Variants in IL11RA observed in about 807,000 individuals in gnomAD.
The protein encoded by IL11RA is interleukin 11 receptor subunit alpha.
Under a neutral mutation model 57.0 loss-of-function variants are expected in IL11RA, and 51 were observed. The observed-to-expected ratio is 0.89, with a 90% confidence interval of 0.71 to 1.13. The LOEUF (loss-of-function observed/expected upper bound fraction) is 1.13, where lower values mean the gene tolerates loss of function less well. Among genes scored for constraint, IL11RA ranks in the 50% most tolerant of loss-of-function variants. The pLI, the probability that IL11RA is intolerant of heterozygous loss-of-function variation, is 0.00. For synonymous variants in IL11RA, 199 were observed against 217.5 expected (o/e 0.91, Z 0.75); for missense variants, 498 against 539.4 (o/e 0.92, Z 0.76).
In IL11RA at chr9:34,658,500, T is replaced by C; in HGVS notation, c.647-20T>C. The C allele has an allele frequency of 3.7e-6, 6 of 1,613,942 alleles. No individual in the cohort carries two copies. Among genetic ancestry groups the C allele is most frequent in the Non-Finnish European group, 5.1e-6 (6 of 1,179,854 alleles). On this transcript the variant is annotated intron_variant, in intron 7 of 12. Coordinates refer to ENST00000441545, the MANE Select transcript of IL11RA (RefSeq NM_001142784.3). This position sits in a 1 kb window ranked among gnomAD's most constrained non-coding sequence, Gnocchi z 4.0. ...TGGAGACCCATAGCCTACCCTGACT[T>C]TGTGTCTTGATGCCCTTAGTGCGCC...
At chr9:34,654,174 C>T (rs1454271907) in intron 1 of IL11RA, among the ~76,000 whole-genome samples, 2 of 152,052 alleles carry the variant, frequency 1.3e-5, no homozygotes, top group Non-Finnish European at 2.9e-5. Context: ...CCCGCCTGCC[C>T]CTTCGTTCTC....
In IL11RA at chr9:34,653,259, T is replaced by G. The variant is rs1259077365; in HGVS notation, c.-1+1026T>G. On this transcript the variant is annotated intron_variant, in intron 1 of 12. Coordinates refer to ENST00000441545, the MANE Select transcript of IL11RA (RefSeq NM_001142784.3). This position sits in a 1 kb window ranked among gnomAD's most constrained non-coding sequence, Gnocchi z 4.5. ...GAATATGTGTAAGTGTGTCTGAGTC[T>G]GAGGCGGTGTGGCTGTGCCCGTGTG... Among the ~76,000 whole-genome samples, 1 of 152,196 alleles carries G rather than the reference T, an allele frequency of 6.6e-6. No individual in the cohort carries two copies. The highest frequency in any genetic ancestry group is 6.5e-5 in the Admixed American group (1 of 15,274).
At position 34,656,799 on chromosome 9, in the gene IL11RA, G is replaced by C. The variant is rs376247869; in HGVS notation, c.222G>C (p.Gly74=). Residue 74 remains glycine, a synonymous_variant, in exon 4 of 13, where the codon GGG becomes GGC. Transcript: ENST00000441545. The stretch of plus-strand genomic sequence containing the variant: ...AGCTGCTCCAGGGACCTGACTCTGG[G>C]CTAGGGCATGAACTGGTCCTGGCCC... The part of the protein sequence containing the change: ...EPKLLQGPDS[G]LGHELVLAQA... 6.2e-7 allele frequency: 1 copy of C among 1,614,022 alleles called. No homozygotes were observed. The highest frequency in any genetic ancestry group is 1.3e-5 in the African/African-American group (1 of 74,916).
chr9:34,658,741 T>C lies in IL11RA; in HGVS notation c.810+58T>C, dbSNP rs1243771606. On this transcript the variant is annotated intron_variant, in intron 8 of 12. Coordinates refer to ENST00000441545, the MANE Select transcript of IL11RA (RefSeq NM_001142784.3). This position sits in a 1 kb window ranked among gnomAD's most constrained non-coding sequence, Gnocchi z 4.0. ...GTGGGTCCTGTCTCTGATTTCACGA[T>C]CCTGGGTGTTCTGTATAGCTTTCCA... is the stretch of plus-strand genomic sequence containing the variant. 7 of 1,575,510 alleles carry C rather than the reference T, an allele frequency of 4.4e-6. No individual in the cohort carries two copies. In the Admixed American group the frequency reaches 6.7e-5, roughly 15 times the overall value.
In IL11RA at chr9:34,657,527, A is replaced by G; in HGVS notation, c.586A>G (p.Thr196Ala). The change falls in exon 7 of 13, where the codon ACT becomes GCT. Residue 196 changes from threonine (T) to alanine (A), a missense_variant. Physicochemically the swap from Thr to Ala is moderately conservative, Grantham distance 58. Coordinates refer to ENST00000441545, the MANE Select transcript of IL11RA (RefSeq NM_001142784.3). Reference sequence around the variant, plus strand: ...CTGGAGCCAGTACCGGATTAATGTGACTGAGGTGAACCCACTGGGTGCCAG... The same window carrying G: ...CTGGAGCCAGTACCGGATTAATGTGGCTGAGGTGAACCCACTGGGTGCCAG... ...EFWSQYRINVTEVNPLGASTR... is the reference protein window; with the variant it reads ...EFWSQYRINVAEVNPLGASTR... 1.9e-6 allele frequency: 3 copies of G among 1,614,090 alleles called. No individual in the cohort carries two copies. Among genetic ancestry groups the G allele is most frequent in the Non-Finnish European group, 2.5e-6 (3 of 1,180,016 alleles).
rs1821364209 is a variant in IL11RA at position 34,657,288 on chromosome 9, C to T, written c.447-15C>T. On this transcript the variant is annotated splice_polypyrimidine_tract_variant and intron_variant, in intron 5 of 12. Coordinates refer to ENST00000441545, the MANE Select transcript of IL11RA (RefSeq NM_001142784.3). ...TCTTTTCCTTCCTGACTTCAGATGG[C>T]CCCCTCCCCACCAGGAAGAAGACAG... is the stretch of plus-strand genomic sequence containing the variant. 1 of 1,614,126 alleles carries T rather than the reference C, an allele frequency of 6.2e-7. No homozygotes were observed. The highest frequency in any genetic ancestry group is 8.5e-7 in the Non-Finnish European group (1 of 1,180,006).
In IL11RA at chr9:34,655,615, T is replaced by C; in HGVS notation, c.111T>C (p.Tyr37=). The change falls in exon 3 of 13, where the codon TAT becomes TAC. Residue 37 remains tyrosine (Y), a synonymous_variant. Transcript: ENST00000441545. The part of the protein sequence containing the change: ...PQAWGPPGVQ[Y]GQPGRSVKLC... ...AAGTGCCCTCCACAGGGGTCCAGTA[T>C]GGGCAGCCAGGCAGGTCCGTGAAGC... 1.2e-6 allele frequency: 2 copies of C among 1,614,112 alleles called. No individual in the cohort carries two copies. Among genetic ancestry groups the C allele is most frequent in the Non-Finnish European group, 1.7e-6 (2 of 1,179,992 alleles).
At chr9:34,655,193 T>C (rs1283929990) in intron 1 of IL11RA, 25 bp from the exon 2 acceptor site, 20 of 1,553,568 alleles carry the variant, frequency 1.3e-5, no homozygotes, top group Non-Finnish European at 1.8e-5. Flanking sequence ...GGGTCGGGGA[T>C]TTTTGACTCT....
In IL11RA at chr9:34,657,494, G is replaced by C. The variant is rs753675388; in HGVS notation, c.553G>C (p.Ala185Pro). The change falls in exon 7 of 13, where the codon GCT becomes CCT. Residue 185 changes from alanine (A) to proline (P), a missense_variant. Transcript: ENST00000441545. ...GGCTGCCCGCTGTGTTGTCCACGGG[G>C]CTGAGTTCTGGAGCCAGTACCGGAT... ...LGAARCVVHG[A>P]EFWSQYRINV... 6.2e-7 allele frequency: 1 copy of C among 1,614,088 alleles called. No homozygotes were observed. Among genetic ancestry groups the C allele is most frequent in the Non-Finnish European group, 8.5e-7 (1 of 1,180,030 alleles).
rs781414738 is a variant in IL11RA, at chr9:34,658,706, A to T, written c.810+23A>T. ...ACGGTGAGGCCTGGAGTGCGTCCCAACCCACGGCTGTGGGTCCTGTCTCTG... is the reference window on the plus strand; with the variant it reads ...ACGGTGAGGCCTGGAGTGCGTCCCATCCCACGGCTGTGGGTCCTGTCTCTG... On this transcript the variant is annotated intron_variant, in intron 8 of 12. Transcript: ENST00000441545. This position sits in a 1 kb window ranked among gnomAD's most constrained non-coding sequence, Gnocchi z 4.0. 2 of 1,608,134 alleles carry T rather than the reference A, an allele frequency of 1.2e-6. No homozygotes were observed. The highest frequency in any genetic ancestry group is 2.7e-5 in the African/African-American group (2 of 74,996).
At chr9:34,654,796 G>A (rs1485656624) in intron 1 of IL11RA, among the ~76,000 whole-genome samples, 1 of 152,204 alleles carries the variant, frequency 6.6e-6, no homozygotes, top group Non-Finnish European at 1.5e-5. Context: ...TGGACCAGGT[G>A]GGGGTAAATA....
intron 12 of IL11RA, among the ~76,000 whole-genome samples, chr9:34,661,149 G>A (rs1455795908): frequency 6.6e-6 from 1 of 151,348 alleles, no homozygotes; most frequent in Non-Finnish European, 1.5e-5. Flanking sequence ...TCAGGGTACT[G>A]AGGAAGGACC....
Position 34,655,602 on chromosome 9 carries a change from C to T in IL11RA, c.101-3C>T. 1 of 1,613,978 alleles carries T rather than the reference C, an allele frequency of 6.2e-7. No individual in the cohort carries two copies. The highest frequency in any genetic ancestry group is 1.1e-5 in the South Asian group (1 of 91,080). ...AGCCTTACCTCAGAAGTGCCCTCCA[C>T]AGGGGTCCAGTATGGGCAGCCAGGC... On this transcript the variant is annotated splice_region_variant and splice_polypyrimidine_tract_variant and intron_variant, in intron 2 of 12. Transcript: ENST00000441545.
chr9:34,661,359 T>C (rs983757911), intron 12 of IL11RA, 123 bp from the exon 13 acceptor site: 19 of 1,037,462 alleles, frequency 1.8e-5, no homozygotes, highest in Admixed American at 5.1e-5. Context: ...CCCTCAGAGC[T>C]GGGCTCCTCT....
chr9:34,653,142 A>T lies in IL11RA; in HGVS notation c.-1+909A>T, dbSNP rs1196085473. Among the ~76,000 whole-genome samples, 1 of 152,060 alleles carries T rather than the reference A, an allele frequency of 6.6e-6. No homozygotes were observed. Among genetic ancestry groups the T allele is most frequent in the Non-Finnish European group, 1.5e-5 (1 of 68,018 alleles). ...CTGCCCCGGCTAAGAGCTCCCTGAG[A>T]GAGGGGGCTTAGACCATGATGAAGA... On this transcript the variant is annotated intron_variant, in intron 1 of 12. Coordinates refer to ENST00000441545, the MANE Select transcript of IL11RA (RefSeq NM_001142784.3). This position sits in a 1 kb window ranked among gnomAD's most constrained non-coding sequence, Gnocchi z 4.5.
intron 9 of IL11RA, 82 bp downstream of exon 9, chr9:34,659,982 G>A (rs768122070): frequency 3.3e-5 from 51 of 1,536,298 alleles, no homozygotes; most frequent in South Asian, 4.6e-5. Context: ...AGACAGGCAG[G>A]TGGCACATGC....
chr9:34,655,907 C>T, intron 3 of IL11RA: 1 of 576,024 alleles, frequency 1.7e-6, no homozygotes, highest in South Asian at 1.9e-5. Context: ...AGGCAAGGTG[C>T]CTGCCTTCAA....
intron 9 of IL11RA, 105 bp downstream of exon 9, chr9:34,660,005 G>T: frequency 7.0e-7 from 1 of 1,431,668 alleles, no homozygotes; most frequent in Non-Finnish European, 9.7e-7. Flanking sequence ...TGCCCACACA[G>T]GCACGGCAAT....
rs1428409229 is a variant in IL11RA at position 34,660,320 on chromosome 9, GC to G, written c.1001del (p.Pro334GlnfsTer33). The G allele has an allele frequency of 3.1e-6, 5 of 1,614,238 alleles. No homozygotes were observed. Among genetic ancestry groups the G allele is most frequent in the Non-Finnish European group, 3.4e-6 (4 of 1,180,030 alleles). ...IPAWGQLHTQPEVEPQVDSPA... is the reference protein window; with the variant it reads ...IPAWGQLHTQXEVEPQVDSPA... The stretch of plus-strand genomic sequence containing the variant: ...CAGCATGGGGCCAGCTACACACGCA[GC>G]CAGAGGTGGAGCCTCAGGTGGACAG... On this transcript the variant is annotated frameshift_variant, in exon 10 of 13. Transcript: ENST00000441545. LOFTEE classifies it high-confidence loss of function.
Sources: gnomAD v4.1 joint callset for allele counts (sites outside exome capture counted in the v4.1 genomes callset) on GRCh38, gnomAD v4.1.1 for gene constraint, Gnocchi (gnomAD v3.1) non-coding constraint, MANE v1.5 for transcripts, NCBI Gene and HGNC (gene_info 2026-07-23, HGNC 2026-07-21) for gene names.